Variants in FRMD4A observed in about 807,000 individuals in gnomAD.
The protein encoded by FRMD4A is FERM domain containing 4A.
FRMD4A carries 29 observed loss-of-function variants against 129.1 expected under a neutral mutation model. That is an observed-to-expected ratio of 0.22 (90% confidence interval 0.17 to 0.31). The LOEUF (loss-of-function observed/expected upper bound fraction) is 0.31. Ranked by LOEUF, FRMD4A falls within the 10% of genes least tolerant of loss-of-function variation. The pLI, the probability that FRMD4A is intolerant of heterozygous loss-of-function variation, is 1.00. For missense variants in FRMD4A, 1,272 were observed against 1,375.8 expected (o/e 0.92, Z 1.19); for synonymous variants, 634 against 571.6 (o/e 1.11, Z -1.56).
intron 2 of FRMD4A, among the ~76,000 whole-genome samples, chr10:14,019,315 T>G: frequency 6.6e-6 from 1 of 152,164 alleles, no homozygotes; most frequent in Non-Finnish European, 1.5e-5. Flanking sequence ...TAAAAATGAT[T>G]GATAAATACA....
chr10:14,311,314 G>C (rs1246816698), intron 2 of FRMD4A, among the ~76,000 whole-genome samples: 3 of 152,096 alleles, frequency 2.0e-5, no homozygotes, highest in East Asian at 3.9e-4. Flanking sequence ...TTGTAGAACT[G>C]ACCAATTTAG....
chr10:13,969,975 C>T lies in FRMD4A; in HGVS notation c.46-111063G>A, dbSNP rs113715599. Among the ~76,000 whole-genome samples, 1,081 of 152,304 alleles carry T rather than the reference C, an allele frequency of 7.1e-3. 6 individuals carry two copies. The highest frequency in any genetic ancestry group is 0.031 in the Middle Eastern group (9 of 294). On this transcript the variant is annotated intron_variant, in intron 2 of 24. Coordinates refer to ENST00000357447, the MANE Select transcript of FRMD4A (RefSeq NM_018027.5). ...TTGACTAAGTAATTACCCCCACATA[C>T]CCAGCTTGGGGACTTTTGACTCTAA...
intron 17 of FRMD4A, 90 bp from the exon 18 acceptor site, chr10:13,666,415 G>C: frequency 1.2e-6 from 1 of 857,020 alleles, no homozygotes; most frequent in Non-Finnish European, 1.9e-6. Context: ...GGCAAGTCCA[G>C]TTCCATGGGA....
chr10:14,038,485 A>G (rs901648445), intron 2 of FRMD4A, among the ~76,000 whole-genome samples: 1 of 152,210 alleles, frequency 6.6e-6, no homozygotes, highest in Non-Finnish European at 1.5e-5. Context: ...ATTCATCCAA[A>G]TATTCCTCTT....
intron 2 of FRMD4A, among the ~76,000 whole-genome samples, chr10:14,135,118 A>C (rs1214638662): frequency 6.6e-6 from 1 of 152,238 alleles, no homozygotes. Context: ...GCAGTATTGA[A>C]CTGGAAATTC....
At chr10:13,738,599 G>A (rs1437494646) in intron 11 of FRMD4A, among the ~76,000 whole-genome samples, 1 of 151,644 alleles carries the variant, frequency 6.6e-6, no homozygotes, top group African/African-American at 2.4e-5. Flanking sequence ...TCTCAGGACT[G>A]AATTAGAAAC....
chr10:13,683,055 A>G (rs1179821132), intron 15 of FRMD4A, among the ~76,000 whole-genome samples: 1 of 150,682 alleles, frequency 6.6e-6, no homozygotes, highest in African/African-American at 2.4e-5. Context: ...GGCTCTTTGG[A>G]TCACCCAGGC....
intron 2 of FRMD4A, among the ~76,000 whole-genome samples, chr10:14,066,427 T>C (rs980954929): frequency 6.6e-6 from 1 of 152,194 alleles, no homozygotes; most frequent in African/African-American, 2.4e-5. Context: ...GGTAGGCATT[T>C]AATATTTGTT....
At chr10:14,014,998 T>TCCTTCCTTCCTCCCTCCCTC (rs1238972253) in intron 2 of FRMD4A, among the ~76,000 whole-genome samples, 1 of 136,832 alleles carries the variant, frequency 7.3e-6, no homozygotes, top group Non-Finnish European at 1.6e-5. Flanking sequence ...CTTTCTTATC[T>TCCTTCCTTCCTCCCTCCCTC]CCTTCCTTCC....
At chr10:13,715,626 G>C (rs1042018837) in intron 12 of FRMD4A, among the ~76,000 whole-genome samples, 7 of 152,074 alleles carry the variant, frequency 4.6e-5, no homozygotes, top group African/African-American at 1.7e-4. Flanking sequence ...TATGAGACTG[G>C]TGCAGTCAGT....
At chr10:14,057,701 G>C (rs1233374894) in intron 2 of FRMD4A, among the ~76,000 whole-genome samples, 2 of 152,112 alleles carry the variant, frequency 1.3e-5, no homozygotes, top group African/African-American at 4.8e-5. Context: ...CTCCCAAGTA[G>C]CTGGGATTAC....
At chr10:14,255,336 G>A (rs1324515775) in intron 2 of FRMD4A, among the ~76,000 whole-genome samples, 1 of 152,166 alleles carries the variant, frequency 6.6e-6, no homozygotes, top group African/African-American at 2.4e-5. Context: ...CATATCAGCT[G>A]TCTTCCACAT....
chr10:13,701,458 G>A lies in FRMD4A; in HGVS notation c.857C>T (p.Thr286Met), dbSNP rs374426217. ...DPRRASVTRR[T>M]FGHSGIAVHT... is the part of the protein sequence containing the mutation. ...CACTGCAATGCCGCTGTGCCCAAAC[G>A]TCCTCCTTGTCACTGAAGCCCTGGG... is the stretch of plus-strand genomic sequence containing the variant. The change falls in exon 14 of 25, where the codon ACG (threonine) becomes ATG (methionine). Residue 286 changes from threonine to methionine, a missense_variant. Around this residue, in one of 2 missense-constraint regions of FRMD4A, gnomAD observed 300 missense variants for 483.6 expected, o/e 0.62. Transcript: ENST00000357447. 1.9e-6 allele frequency: 3 copies of A among 1,613,516 alleles called. No individual in the cohort carries two copies. Among genetic ancestry groups the A allele is most frequent in the Non-Finnish European group, 1.7e-6 (2 of 1,179,700 alleles).
chr10:14,315,773 A>C (rs1846717357), intron 2 of FRMD4A, among the ~76,000 whole-genome samples: 1 of 152,202 alleles, frequency 6.6e-6, no homozygotes, highest in East Asian at 1.9e-4. Context: ...ATTCTGCCTT[A>C]AACTATTCCC....
At chr10:13,843,605 C>T (rs1336395102) in intron 3 of FRMD4A, among the ~76,000 whole-genome samples, 1 of 152,214 alleles carries the variant, frequency 6.6e-6, no homozygotes, top group East Asian at 1.9e-4. Flanking sequence ...TCAAGCAGCT[C>T]TCCTGCCTCA....
At chr10:13,865,395 A>ATTTAT (rs1352445228) in intron 2 of FRMD4A, among the ~76,000 whole-genome samples, 1 of 128,882 alleles carries the variant, frequency 7.8e-6, no homozygotes, top group South Asian at 2.7e-4. Context: ...ACTTTATTTT[A>ATTTAT]TTTATTTTAT....
At chr10:14,100,954 G>A (rs915900104) in intron 2 of FRMD4A, among the ~76,000 whole-genome samples, 9 of 152,086 alleles carry the variant, frequency 5.9e-5, no homozygotes, top group Non-Finnish European at 1.2e-4. Flanking sequence ...AAGCTTTTGG[G>A]TCCTCACAAC....
intron 2 of FRMD4A, among the ~76,000 whole-genome samples, chr10:14,166,715 G>A (rs75786801): frequency 0.02 from 3,105 of 152,290 alleles, 76 homozygotes; most frequent in African/African-American, 0.059. Flanking sequence ...AAAGGGCAAC[G>A]AAATGGCCTG....
chr10:14,138,601 A>C (rs1418007585), intron 2 of FRMD4A, among the ~76,000 whole-genome samples: 2 of 152,072 alleles, frequency 1.3e-5, no homozygotes, highest in African/African-American at 4.8e-5. Context: ...TCTGCTAAAA[A>C]TACAAAAATT....
Sources: gnomAD v4.1 joint callset for allele counts (sites outside exome capture counted in the v4.1 genomes callset) on GRCh38, gnomAD v4.1.1 for gene constraint, gnomAD v4.1.1 regional missense constraint, MANE v1.5 for transcripts, NCBI Gene and HGNC (gene_info 2026-07-23, HGNC 2026-07-21) for gene names.